Variants in TRAF7 observed in about 807,000 individuals in gnomAD.
TRAF7 encodes the protein E3 ubiquitin-protein ligase TRAF7.
A neutral mutation model predicts 89.3 loss-of-function variants in TRAF7; 45 were observed. The ratio of observed to expected loss-of-function variants is 0.50; its 90% CI spans 0.40 to 0.65. TRAF7 has a LOEUF of 0.65. Among genes scored for constraint, TRAF7 ranks in the 30% least tolerant of loss-of-function variants. The pLI is 0.00. For synonymous variants in TRAF7, 406 were observed against 369.2 expected (o/e 1.10, Z -1.14); for missense variants, 677 against 918.1 (o/e 0.74, Z 3.39).
Position 2,171,296 on chromosome 16 carries a change from G to A in TRAF7, c.381G>A (p.Val127=). 1.3e-6 allele frequency: 2 copies of A among 1,555,798 alleles called. No homozygotes were observed. The highest frequency in any genetic ancestry group is 8.7e-7 in the Non-Finnish European group (1 of 1,150,422). The part of the protein sequence containing the change: ...EPLVFAEQPS[V]KLCCQLCCSV... ...TGGTGTTTGCGGAGCAGCCCTCGGT[G>A]AAGCTGTGCTGTCAGCTCTGCTGCA... is the stretch of plus-strand genomic sequence containing the variant. The change falls in exon 6 of 21, where the codon GTG becomes GTA. Residue 127 remains valine (V), a synonymous_variant. Transcript: ENST00000326181.
chr16:2,175,776 G>A (rs2093133141), intron 17 of TRAF7, 58 bp from the exon 18 acceptor site: 9 of 1,602,462 alleles, frequency 5.6e-6, no homozygotes, highest in East Asian at 2.2e-5. Context: ...CTGGGGGTGC[G>A]GGGGCCCTGG....
intron 1 of TRAF7, among the ~76,000 whole-genome samples, chr16:2,160,568 GGGCGGGCGGTGCTCGGGCA>G (rs1416005668): frequency 1.4e-5 from 2 of 142,182 alleles, no homozygotes; most frequent in South Asian, 2.3e-4. Flanking sequence ...CGGTGTGGGT[GGGCGGGCGGTGCTCGGGCA>G]GGCGTGGTGG....
rs957771225 is a variant in TRAF7, at chr16:2,177,743, G to T, written c.*1169G>T. 1.6e-5 allele frequency: 4 copies of T among 242,630 alleles called. No individual in the cohort carries two copies. The highest frequency in any genetic ancestry group is 3.2e-5 in the Non-Finnish European group (4 of 123,258). 15.0% of individuals were successfully genotyped at this position (242,630 alleles called of 1,614,324 possible). A position where few individuals can be genotyped will look rare whatever the true frequency, so the allele number is the denominator to read the frequency against. On this transcript the variant is annotated 3_prime_UTR_variant, in exon 21 of 21. Coordinates refer to ENST00000326181, the MANE Select transcript of TRAF7 (RefSeq NM_032271.3). ...ACACCCACATTCACCAAACCCACCC[G>T]CGCCCTGGGACGCAGCCACGCCAGG...
intron 12 of TRAF7, 35 bp downstream of exon 12, chr16:2,173,871 T>TC (rs763463246): frequency 2.2e-4 from 80 of 358,004 alleles, no homozygotes; most frequent in South Asian, 4.1e-4. Context: ...CCGCCCACCC[T>TC]CCCCCCCGGG....
In TRAF7 at chr16:2,174,336, G is replaced by T; in HGVS notation, c.1346+3G>T. The stretch of plus-strand genomic sequence containing the variant: ...GTGCTGGCTCTCTGCATCCAGGGGT[G>T]AGTCCAGGCACATGTGTGATCAGTG... On this transcript the variant is annotated splice_donor_region_variant and intron_variant, in intron 14 of 20. Coordinates refer to ENST00000326181, the MANE Select transcript of TRAF7 (RefSeq NM_032271.3). 6.2e-7 allele frequency: 1 copy of T among 1,612,684 alleles called. No homozygotes were observed. Among genetic ancestry groups the T allele is most frequent in the South Asian group, 1.1e-5 (1 of 91,038 alleles).
In TRAF7 at chr16:2,158,846, G is replaced by C. The variant is rs562875090; in HGVS notation, c.-39+2988G>C. On this transcript the variant is annotated intron_variant, in intron 1 of 20. Coordinates refer to ENST00000326181, the MANE Select transcript of TRAF7 (RefSeq NM_032271.3). The surrounding 1 kb of genome is among the most constrained non-coding windows in gnomAD (Gnocchi z 4.7). Reference sequence around the variant, plus strand: ...GTTTCTGAGAGTCTGAGGCCCACTTGACTTGGGTGAGAGCCAGGAACGCAC... The same window carrying C: ...GTTTCTGAGAGTCTGAGGCCCACTTCACTTGGGTGAGAGCCAGGAACGCAC... Among the ~76,000 whole-genome samples, 66 of 151,154 alleles carry C rather than the reference G, an allele frequency of 4.4e-4. No homozygotes were observed. The highest frequency in any genetic ancestry group is 1.5e-3 in the African/African-American group (61 of 41,220).
rs2141294500 is a variant in TRAF7 at position 2,175,486 on chromosome 16, A to T, written c.1504-14A>T. 2 of 1,613,012 alleles carry T rather than the reference A, an allele frequency of 1.2e-6. No homozygotes were observed. The highest frequency in any genetic ancestry group is 1.7e-6 in the Non-Finnish European group (2 of 1,179,612). The stretch of plus-strand genomic sequence containing the variant: ...CCTTGCCCGCCCAGCCCACAGTTGC[A>T]GCAATCCCTGCAGGTCTGGGACATC... On this transcript the variant is annotated splice_polypyrimidine_tract_variant and intron_variant, in intron 16 of 20. Coordinates refer to ENST00000326181, the MANE Select transcript of TRAF7 (RefSeq NM_032271.3).
rs748763143 is a variant in TRAF7 at position 2,176,238 on chromosome 16, G to T, written c.1879-27G>T. 6.2e-6 allele frequency: 10 copies of T among 1,600,044 alleles called. No homozygotes were observed. In the South Asian group the frequency reaches 1.1e-4, roughly 18 times the overall value. On this transcript the variant is annotated intron_variant, in intron 19 of 20. Coordinates refer to ENST00000326181, the MANE Select transcript of TRAF7 (RefSeq NM_032271.3). The stretch of plus-strand genomic sequence containing the variant: ...AGAGGGCTGGCAGCTGAGCTCCGGC[G>T]GGCCCTCACGTCCCATGTGCCCCCA...
Position 2,173,172 on chromosome 16 carries a change from G to T in TRAF7, c.795-10G>T. The T allele has an allele frequency of 6.2e-7, 1 of 1,600,454 alleles. No homozygotes were observed. The highest frequency in any genetic ancestry group is 8.5e-7 in the Non-Finnish European group (1 of 1,175,456). The stretch of plus-strand genomic sequence containing the variant: ...GACCCGCCAGGCAGGCAGCTGTCCT[G>T]TCCCCGCAGGTGCACGTTCATCGGG... On this transcript the variant is annotated splice_polypyrimidine_tract_variant and intron_variant, in intron 9 of 20. Coordinates refer to ENST00000326181, the MANE Select transcript of TRAF7 (RefSeq NM_032271.3).
chr16:2,165,529 C>T (rs1324806559), intron 2 of TRAF7, among the ~76,000 whole-genome samples: 17 of 125,876 alleles, frequency 1.4e-4, no homozygotes, highest in South Asian at 2.6e-4. Flanking sequence ...GTGAGTGCTG[C>T]GTGGCCTGGC....
intron 12 of TRAF7, 23 bp downstream of exon 12, chr16:2,173,859 T>TGCCCCCCCCCCCC: frequency 1.6e-6 from 2 of 1,246,244 alleles, no homozygotes; most frequent in Non-Finnish European, 2.2e-6. Context: ...CCGCCGTGGC[T>TGCCCCCCCCCCCC]CCCGCCCACC....
chr16:2,173,857 G>GCGGGGCCGCCCCCC, intron 12 of TRAF7, 21 bp downstream of exon 12: 2 of 1,607,500 alleles, frequency 1.2e-6, no homozygotes, highest in African/African-American at 1.3e-5. Context: ...ACCCGCCGTG[G>GCGGGGCCGCCCCCC]CTCCCGCCCA....
In TRAF7 at chr16:2,163,842, G is replaced by GGCTCCATCTCTCAAGCCCCTCATTTGT; in HGVS notation, c.-38-34_-38-8dup. The GGCTCCATCTCTCAAGCCCCTCATTTGT allele has an allele frequency of 7.6e-7, 1 of 1,317,442 alleles. No individual in the cohort carries two copies. The highest frequency in any genetic ancestry group is 1.1e-6 in the Non-Finnish European group (1 of 928,848). 81.6% of individuals were successfully genotyped at this position (1,317,442 alleles called of 1,614,324 possible). A position where few individuals can be genotyped will look rare whatever the true frequency, so the allele number is the denominator to read the frequency against. ...AGCCCGTCTGACTCACAGGGGCCTGGGCTCCATCTCTCAAGCCCCTCATTT... is the reference window on the plus strand; with the variant it reads ...AGCCCGTCTGACTCACAGGGGCCTGGGCTCCATCTCTCAAGCCCCTCATTTGTGCTCCATCTCTCAAGCCCCTCATTT... On this transcript the variant is annotated intron_variant, in intron 1 of 20. Coordinates refer to ENST00000326181, the MANE Select transcript of TRAF7 (RefSeq NM_032271.3). The surrounding 1 kb of genome is among the most constrained non-coding windows in gnomAD (Gnocchi z 4.3).
rs776682763 is a variant in TRAF7 at position 2,168,173 on chromosome 16, GT to G, written c.231+6del. On this transcript the variant is annotated splice_donor_region_variant and intron_variant, in intron 4 of 20. Coordinates refer to ENST00000326181, the MANE Select transcript of TRAF7 (RefSeq NM_032271.3). The surrounding 1 kb of genome is among the most constrained non-coding windows in gnomAD (Gnocchi z 4.1). The stretch of plus-strand genomic sequence containing the variant: ...CGGGACGAGGAGGACAGCATGGTAG[GT>G]CCCTACCCCCAGGAGCCCGTGTGAG... 3.1e-6 allele frequency: 5 copies of G among 1,606,606 alleles called. No individual in the cohort carries two copies.
intron 1 of TRAF7, among the ~76,000 whole-genome samples, chr16:2,160,458 C>T (rs1021568740): frequency 2.2e-5 from 3 of 134,590 alleles, no homozygotes; most frequent in African/African-American, 5.5e-5. Context: ...GACAGGCAGG[C>T]GGTGTGGATG....
intron 2 of TRAF7, among the ~76,000 whole-genome samples, 158 bp downstream of exon 2, chr16:2,164,159 T>TGTGTGTGTGC (rs879079517): frequency 1.6e-5 from 2 of 126,078 alleles, no homozygotes; most frequent in Non-Finnish European, 3.4e-5. Context: ...TGTGTGTGTG[T>TGTGTGTGTGC]GCGCGCGCGC....
At chr16:2,170,034 A>C (rs1394702913) in intron 4 of TRAF7, among the ~76,000 whole-genome samples, 2 of 152,142 alleles carry the variant, frequency 1.3e-5, no homozygotes, top group Non-Finnish European at 2.9e-5. Context: ...GCTCAGCCAG[A>C]GGCAGGCACC....
chr16:2,158,940 C>T lies in TRAF7; in HGVS notation c.-39+3082C>T, dbSNP rs2093046992. Among the ~76,000 whole-genome samples the T allele has an allele frequency of 2.0e-5, 3 of 152,112 alleles. 1 individual carries two copies. The South Asian group carries it at 6.2e-4, about 32-fold the overall frequency. On this transcript the variant is annotated intron_variant, in intron 1 of 20. Coordinates refer to ENST00000326181, the MANE Select transcript of TRAF7 (RefSeq NM_032271.3). This position sits in a 1 kb window ranked among gnomAD's most constrained non-coding sequence, Gnocchi z 4.7. ...CAGGATACTCTCCCCACTCTGGATC[C>T]CAGCAGCCTCATCCTCCAGGAAGCC...
rs2093059367 is a variant in TRAF7 at position 2,161,798 on chromosome 16, A to G, written c.-38-2085A>G. Among the ~76,000 whole-genome samples, 1 of 152,178 alleles carries G rather than the reference A, an allele frequency of 6.6e-6. No homozygotes were observed. Among genetic ancestry groups the G allele is most frequent in the East Asian group, 1.9e-4 (1 of 5,180 alleles). On this transcript the variant is annotated intron_variant, in intron 1 of 20. Coordinates refer to ENST00000326181, the MANE Select transcript of TRAF7 (RefSeq NM_032271.3). This position sits in a 1 kb window ranked among gnomAD's most constrained non-coding sequence, Gnocchi z 5.2. ...CAATGGCAAAAGGCAAGCCCTGGCC[A>G]GCTCTCCCCGACCTTCCTGCCGGGA...
Sources: gnomAD v4.1 joint callset for allele counts (sites outside exome capture counted in the v4.1 genomes callset) on GRCh38, gnomAD v4.1.1 for gene constraint, Gnocchi (gnomAD v3.1) non-coding constraint, MANE v1.5 for transcripts, NCBI Gene and HGNC (gene_info 2026-07-23, HGNC 2026-07-21) for gene names.